Variants in DPP6 observed in about 807,000 individuals in gnomAD.
DPP6 encodes dipeptidyl peptidase like 6.
A neutral mutation model predicts 122.6 loss-of-function variants in DPP6; 69 were observed. The ratio of observed to expected loss-of-function variants is 0.56; its 90% CI spans 0.46 to 0.69. The LOEUF is 0.69. Ranked by LOEUF, DPP6 falls within the 30% of genes least tolerant of loss-of-function variation. DPP6 has a pLI of 0.00. For missense variants in DPP6, 928 were observed against 1,116.9 expected, an observed-to-expected ratio of 0.83 and a Z score of 2.41; for synonymous variants, 418 against 433.1, an observed-to-expected ratio of 0.97 and a Z score of 0.43.
At chr7:153,833,983 C>A in the DPP6 span, among the ~76,000 whole-genome samples, 1 of 152,108 alleles carries the variant, frequency 6.6e-6, no homozygotes, top group East Asian at 1.9e-4. Flanking sequence ...CTCCCAACTT[C>A]TTGGTTAATA....
chr7:154,184,075 G>A (rs1042645369), intron 1 of DPP6, among the ~76,000 whole-genome samples: 15 of 152,090 alleles, frequency 9.9e-5, no homozygotes, highest in African/African-American at 4.8e-5. Flanking sequence ...CCACAAACAT[G>A]GATAGGAAGC....
At chr7:154,620,051 A>C (rs1363139885) in intron 5 of DPP6, among the ~76,000 whole-genome samples, 1 of 152,204 alleles carries the variant, frequency 6.6e-6, no homozygotes, top group Non-Finnish European at 1.5e-5. Flanking sequence ...TTTCACAAGC[A>C]CGTTGAATGA....
At chr7:154,504,650 A>G (rs374940897) in intron 3 of DPP6, among the ~76,000 whole-genome samples, 3 of 152,190 alleles carry the variant, frequency 2.0e-5, no homozygotes, top group Non-Finnish European at 2.9e-5. Flanking sequence ...CCAAAAGCTC[A>G]ATACCATATT....
At chr7:154,027,397 C>T (rs558450834) in intron 1 of DPP6, among the ~76,000 whole-genome samples, 18 of 152,074 alleles carry the variant, frequency 1.2e-4, no homozygotes, top group South Asian at 2.1e-4. Flanking sequence ...AGCACTTGGC[C>T]GTCTTCTGCA....
At chr7:153,765,552 A>AC in the DPP6 span, among the ~76,000 whole-genome samples, 1 of 151,340 alleles carries the variant, frequency 6.6e-6, no homozygotes, top group African/African-American at 2.4e-5. Context: ...AAAAAAACAA[A>AC]AAAAAAAAAC....
intron 1 of DPP6, among the ~76,000 whole-genome samples, chr7:153,989,492 C>T (rs748554118): frequency 6.6e-6 from 1 of 151,624 alleles, no homozygotes; most frequent in Non-Finnish European, 1.5e-5. Flanking sequence ...GGGAGCAGGG[C>T]ACCAGGGCAC....
chr7:154,438,052 C>T (rs1272656709), intron 1 of DPP6, among the ~76,000 whole-genome samples: 1 of 152,194 alleles, frequency 6.6e-6, no homozygotes, highest in Non-Finnish European at 1.5e-5. Flanking sequence ...GACACAGGAG[C>T]ATACCCCTCA....
chr7:154,305,353 C>T (rs564638393), intron 1 of DPP6: 8 of 1,015,926 alleles, frequency 7.9e-6, no homozygotes, highest in Non-Finnish European at 9.4e-6. Context: ...CTCCCTCCCC[C>T]ATCCTCCCCA....
intron 1 of DPP6, among the ~76,000 whole-genome samples, chr7:153,887,939 G>GC: frequency 6.7e-6 from 1 of 148,500 alleles, no homozygotes; most frequent in East Asian, 2.1e-4. Context: ...TTTGCAAATT[G>GC]CAACTTTGCG....
chr7:154,408,276 C>G (rs2151200349), intron 1 of DPP6, among the ~76,000 whole-genome samples: 1 of 152,220 alleles, frequency 6.6e-6, no homozygotes, highest in African/African-American at 2.4e-5. Context: ...TGTGTAAATA[C>G]AGTGTTTTGG....
chr7:153,923,716 G>C (rs1285069193), intron 1 of DPP6, among the ~76,000 whole-genome samples: 1 of 137,594 alleles, frequency 7.3e-6, no homozygotes, highest in Non-Finnish European at 1.5e-5. Context: ...AGCTGAGATC[G>C]TGCCACTGCA....
intron 1 of DPP6, among the ~76,000 whole-genome samples, chr7:154,027,651 C>T (rs1221711474): frequency 6.6e-6 from 1 of 151,940 alleles, no homozygotes; most frequent in Non-Finnish European, 1.5e-5. Flanking sequence ...TGCCACTCCC[C>T]ATGCTTTCTT....
At chr7:154,575,220 G>T (rs1267045486) in intron 5 of DPP6, among the ~76,000 whole-genome samples, 1 of 122,570 alleles carries the variant, frequency 8.2e-6, no homozygotes, top group Non-Finnish European at 1.7e-5. Context: ...TGTGTGTGTG[G>T]TGTGGTGTGT....
In DPP6 at chr7:153,948,111, T is replaced by A. The variant is rs73729234; in HGVS notation, c.51+60377T>A. Among the ~76,000 whole-genome samples the A allele has an allele frequency of 7.1e-3, 1,082 of 152,304 alleles. 15 individuals are homozygous for A. Among genetic ancestry groups the A allele is most frequent in the African/African-American group, 0.024 (989 of 41,570 alleles). On this transcript the variant is annotated intron_variant, in intron 1 of 25. Transcript: ENST00000404039. ...CAAATAAGCTCATATTCTGAGGTAT[T>A]GGGCATTGGGACTTCAGCATATGAA...
intron 1 of DPP6, among the ~76,000 whole-genome samples, chr7:154,170,479 C>T (rs1328195953): frequency 3.9e-5 from 6 of 152,226 alleles, no homozygotes; most frequent in Admixed American, 1.3e-4. Context: ...ACAGTGGTCA[C>T]GACCTCGCCC....
chr7:154,865,272 A>T (rs1319870895), intron 17 of DPP6: 2 of 152,290 alleles, frequency 1.3e-5, no homozygotes, highest in Non-Finnish European at 2.9e-5. Context: ...TGTCACTTCC[A>T]TCATTTGACC....
rs77816407 is a variant in DPP6, at chr7:154,572,510, C to CTTTTTTTT, written c.627+5613_627+5620dup. On this transcript the variant is annotated intron_variant, in intron 5 of 25. Transcript: ENST00000377770. Reference sequence around the variant, plus strand: ...ATATGAGTTTCTTTTTTTTTCTTTTCTTTTTTTTTTTTTTTTTTTTTTTTT... The same window carrying CTTTTTTTT: ...ATATGAGTTTCTTTTTTTTTCTTTTCTTTTTTTTTTTTTTTTTTTTTTTTTTTTTTTTT... 1.3e-4 allele frequency among the ~76,000 whole-genome samples: 11 copies of CTTTTTTTT among 86,144 alleles called. 1 individual carries two copies. The highest frequency in any genetic ancestry group is 2.0e-4 in the Non-Finnish European group (9 of 44,552). 56.5% of individuals were successfully genotyped at this position (86,144 alleles called of 152,430 possible).
chr7:154,292,703 AATCCTGTGT>A (rs1805286278), intron 1 of DPP6, among the ~76,000 whole-genome samples: 1 of 152,186 alleles, frequency 6.6e-6, no homozygotes, highest in South Asian at 2.1e-4. Context: ...GAATAAAAGG[AATCCTGTGT>A]CCACAGGCAG....
the DPP6 span, among the ~76,000 whole-genome samples, chr7:153,792,377 AGTT>A: frequency 2.2e-4 from 33 of 152,228 alleles, no homozygotes; most frequent in Non-Finnish European, 4.6e-4. Context: ...AACATTATTT[AGTT>A]GTTTAGTTTC....
Sources: gnomAD v4.1 joint callset for allele counts (sites outside exome capture counted in the v4.1 genomes callset) on GRCh38, gnomAD v4.1.1 for gene constraint, MANE v1.5 for transcripts, NCBI Gene and HGNC (gene_info 2026-07-23, HGNC 2026-07-21) for gene names.